PLPP4: variants seen among roughly 807,000 people sequenced by gnomAD.
The protein encoded by PLPP4 is diacylglycerol pyrophosphate like 2.
Under a neutral mutation model 32.2 loss-of-function variants are expected in PLPP4, and 20 were observed. That is an observed-to-expected ratio of 0.62 (90% CI 0.44 to 0.90). PLPP4 has a LOEUF of 0.90. Among genes scored for constraint, PLPP4 ranks in the 40% least tolerant of loss-of-function variants. PLPP4 has a pLI of 0.00. For missense variants in PLPP4, 257 were observed against 353.1 expected, an observed-to-expected ratio of 0.73 and a Z score of 2.18; for synonymous variants, 127 against 133.0, an observed-to-expected ratio of 0.95 and a Z score of 0.31.
intron 5 of PLPP4, among the ~76,000 whole-genome samples, chr10:120,522,606 G>A (rs776475493): frequency 3.3e-5 from 5 of 152,194 alleles, no homozygotes; most frequent in African/African-American, 1.2e-4. Flanking sequence ...TCTCTAGTTT[G>A]TTGGAAACGG....
At chr10:120,503,549 G>C in intron 1 of PLPP4, 1 of 1,603,554 alleles carries the variant, frequency 6.2e-7, no homozygotes, top group Non-Finnish European at 8.5e-7. Flanking sequence ...CAAGTCCTTG[G>C]AGTCTTTGTA....
intron 1 of PLPP4, among the ~76,000 whole-genome samples, chr10:120,470,507 C>T (rs1030281875): frequency 1.3e-5 from 2 of 152,104 alleles, no homozygotes; most frequent in African/African-American, 4.8e-5. Context: ...CGTTTCCCAC[C>T]CAAAACATAA....
rs1033065842 is a variant in PLPP4 at position 120,521,043 on chromosome 10, C to T, written c.393C>T (p.Asp131=). 6.2e-7 allele frequency: 1 copy of T among 1,614,114 alleles called. No individual in the cohort carries two copies. Among genetic ancestry groups the T allele is most frequent in the Non-Finnish European group, 8.5e-7 (1 of 1,180,012 alleles). The change falls in exon 5 of 7, where the codon GAC becomes GAT. Residue 131 remains aspartate, a synonymous_variant. Transcript: ENST00000398250. Reference sequence around the variant, plus strand: ...ACTCGGAAATGCATTGCACAGGTGACCCCGATCTGGTGTCCGAGGGCCGCA... The same window carrying T: ...ACTCGGAAATGCATTGCACAGGTGATCCCGATCTGGTGTCCGAGGGCCGCA... ...VMNSEMHCTG[D]PDLVSEGRKS...
chr10:120,542,383 A>C (rs1332589613), intron 5 of PLPP4, among the ~76,000 whole-genome samples: 1 of 152,194 alleles, frequency 6.6e-6, no homozygotes, highest in African/African-American at 2.4e-5. Flanking sequence ...GAAGAACAGA[A>C]TTAATAGTGA....
intron 1 of PLPP4, among the ~76,000 whole-genome samples, chr10:120,478,357 C>G (rs905546443): frequency 6.6e-6 from 1 of 152,198 alleles, no homozygotes; most frequent in Non-Finnish European, 1.5e-5. Context: ...GGGAGGTGTT[C>G]AGGGTGCCTG....
At position 120,591,563 on chromosome 10, in the gene PLPP4, T is replaced by G. The variant is rs1849994065; in HGVS notation, c.*2061T>G. On this transcript the variant is annotated 3_prime_UTR_variant, in exon 7 of 7. Transcript: ENST00000398250. ...TAATTTAACTAAAAACTCTATAATT[T>G]TCAAAAATAAAGCCCAAAATAGAAA... Among the ~76,000 whole-genome samples the G allele has an allele frequency of 6.6e-6, 1 of 151,966 alleles. No homozygotes were observed. Among genetic ancestry groups the G allele is most frequent in the African/African-American group, 2.4e-5 (1 of 41,378 alleles).
chr10:120,587,545 T>C (rs1017264403), intron 6 of PLPP4: 1 of 152,244 alleles, frequency 6.6e-6, no homozygotes, highest in African/African-American at 2.4e-5. Context: ...GAACTTTTCA[T>C]GTTTAACTAT....
chr10:120,524,900 T>TCAG (rs1489477606), intron 5 of PLPP4, among the ~76,000 whole-genome samples: 1 of 152,056 alleles, frequency 6.6e-6, no homozygotes, highest in Admixed American at 6.5e-5. Flanking sequence ...TTTTATTGAG[T>TCAG]ACTGATTCAA....
intron 5 of PLPP4, among the ~76,000 whole-genome samples, chr10:120,557,961 T>G (rs1267869523): frequency 6.6e-6 from 1 of 152,042 alleles, no homozygotes; most frequent in African/African-American, 2.4e-5. Context: ...AACAGTGAAA[T>G]GTATGTACAA....
intron 1 of PLPP4, among the ~76,000 whole-genome samples, chr10:120,490,223 C>T (rs1844654694): frequency 6.6e-6 from 1 of 152,214 alleles, no homozygotes; most frequent in Non-Finnish European, 1.5e-5. Context: ...GAGACCCCAC[C>T]TTGGGGATGT....
Position 120,467,915 on chromosome 10 carries a change from C to T in PLPP4, c.56+10554C>T, listed in dbSNP as rs1444087914. On this transcript the variant is annotated intron_variant, in intron 1 of 6. Coordinates refer to ENST00000398250, the MANE Select transcript of PLPP4 (RefSeq NM_001030059.3). ...ACCCACTCACCCGCTTCTAGTAGGC[C>T]TCAGTGTCTGTTGTTCTCCTCTATG... Among the ~76,000 whole-genome samples, 3 of 63,950 alleles carry T rather than the reference C, an allele frequency of 4.7e-5. 1 individual carries two copies. The highest frequency in any genetic ancestry group is 1.0e-4 in the African/African-American group (3 of 29,920). 42.0% of individuals were successfully genotyped at this position (63,950 alleles called of 152,430 possible).
rs949236240 is a variant in PLPP4, at chr10:120,563,839, C to A, written c.446-11292C>A. On this transcript the variant is annotated intron_variant, in intron 5 of 6. Coordinates refer to ENST00000398250, the MANE Select transcript of PLPP4 (RefSeq NM_001030059.3). ...AAAAAAAAAAAAAAAAAAAAAAAAT[C>A]TTGAATTTTAAAATATTTTTGTCTT... 3.8e-4 allele frequency among the ~76,000 whole-genome samples: 45 copies of A among 119,414 alleles called. 1 individual carries two copies. The South Asian group carries it at 6.2e-3, about 16-fold the overall frequency. 78.3% of individuals were successfully genotyped at this position (119,414 alleles called of 152,430 possible).
intron 5 of PLPP4, among the ~76,000 whole-genome samples, chr10:120,548,058 A>G (rs538477085): frequency 2.6e-5 from 4 of 152,254 alleles, no homozygotes; most frequent in South Asian, 2.1e-4. Flanking sequence ...GTAGATGGCA[A>G]TTGTTTAAAA....
intron 5 of PLPP4, among the ~76,000 whole-genome samples, chr10:120,528,367 C>T (rs1420184798): frequency 1.3e-5 from 2 of 152,188 alleles, no homozygotes; most frequent in African/African-American, 2.4e-5. Context: ...AGCCACCACG[C>T]CCGGCCGCCA....
rs544260482 is a variant in PLPP4 at position 120,530,186 on chromosome 10, CCATT to C, written c.445+9094_445+9097del. On this transcript the variant is annotated intron_variant, in intron 5 of 6. Transcript: ENST00000398250. ...TAGCATCAAAATGCATAAATCATAA[CCATT>C]CAGTTTTTACAAATGGACATACTGT... 2.0e-3 allele frequency among the ~76,000 whole-genome samples: 305 copies of C among 152,278 alleles called. 2 individuals carry two copies. The Middle Eastern group carries it at 0.031, about 15-fold the overall frequency.
At chr10:120,492,891 G>A (rs1192633814) in intron 1 of PLPP4, among the ~76,000 whole-genome samples, 1 of 152,118 alleles carries the variant, frequency 6.6e-6, no homozygotes, top group African/African-American at 2.4e-5. Context: ...ATATTGGTTG[G>A]ATATCTCTGT....
intron 2 of PLPP4, among the ~76,000 whole-genome samples, chr10:120,511,962 C>T (rs192080933): frequency 3.3e-5 from 5 of 152,052 alleles, no homozygotes; most frequent in South Asian, 2.1e-4. Flanking sequence ...GGCGTGGTGG[C>T]GGGCGCCTGT....
intron 2 of PLPP4, among the ~76,000 whole-genome samples, chr10:120,509,726 A>G (rs888159154): frequency 5.2e-4 from 79 of 152,364 alleles, no homozygotes; most frequent in Non-Finnish European, 4.4e-5. Flanking sequence ...AATATTTTCC[A>G]TAGCAGAATA....
chr10:120,539,971 A>G (rs920579569), intron 5 of PLPP4, among the ~76,000 whole-genome samples: 35 of 150,946 alleles, frequency 2.3e-4, no homozygotes, highest in African/African-American at 8.5e-4. Context: ...GCCTCCCTCC[A>G]CAGATCCCAA....
Sources: gnomAD v4.1 joint callset for allele counts (sites outside exome capture counted in the v4.1 genomes callset) on GRCh38, gnomAD v4.1.1 for gene constraint, MANE v1.5 for transcripts, NCBI Gene and HGNC (gene_info 2026-07-23, HGNC 2026-07-21) for gene names.